PRICKLE2: variants seen among roughly 807,000 people sequenced by gnomAD.
PRICKLE2 encodes prickle-like protein 2.
Under a neutral mutation model 81.4 loss-of-function variants are expected in PRICKLE2, and 21 were observed. That is an observed-to-expected ratio of 0.26 (90% confidence interval 0.18 to 0.37). The LOEUF (loss-of-function observed/expected upper bound fraction) is 0.37, where lower values mean the gene tolerates loss of function less well. Among genes scored for constraint, PRICKLE2 ranks in the 10% least tolerant of loss-of-function variants. The pLI is 1.00. For missense variants in PRICKLE2, 940 were observed against 1,109.0 expected (o/e 0.85, Z 2.16); for synonymous variants, 456 against 421.5 (o/e 1.08, Z -1.00).
intron 1 of PRICKLE2, among the ~76,000 whole-genome samples, chr3:64,203,375 A>C (rs776188876): frequency 2.0e-5 from 3 of 152,242 alleles, no homozygotes; most frequent in Non-Finnish European, 4.4e-5. Flanking sequence ...TTTATGACTT[A>C]AGGAAAAACA....
chr3:64,137,532 T>C (rs1030520877), intron 7 of PRICKLE2, among the ~76,000 whole-genome samples: 3 of 152,262 alleles, frequency 2.0e-5, no homozygotes, highest in East Asian at 1.9e-4. Flanking sequence ...AATAAGACTT[T>C]TGAACAGTTA....
At position 64,198,990 on chromosome 3, in the gene PRICKLE2, G is replaced by C. The variant is rs78697734; in HGVS notation, c.-40-23C>G. 0.014 allele frequency: 22,766 copies of C among 1,611,172 alleles called. 478 individuals carry two copies. The highest frequency in any genetic ancestry group is 0.097 in the African/African-American group (7,267 of 75,000). ...TTCCTGCAGGCAGTAAAGGTAGAAG[G>C]TGAGAAAGAGGAAAAAACCTTTTTT... On this transcript the variant is annotated intron_variant, in intron 1 of 7. Transcript: ENST00000638394.
intron 2 of PRICKLE2, among the ~76,000 whole-genome samples, chr3:64,181,532 T>C (rs748161929): frequency 1.3e-5 from 2 of 152,186 alleles, no homozygotes; most frequent in Non-Finnish European, 2.9e-5. Flanking sequence ...GCCTATAGCA[T>C]GCTTTCCCCT....
Position 64,099,818 on chromosome 3 carries a change from T to C in PRICKLE2, c.1768A>G (p.Met590Val), listed in dbSNP as rs1559506499. ...GMNVSEKLSN[M>V]GTLNSSMQFR... is the part of the protein sequence containing the mutation. ...TGCATGGACGAGTTAAGAGTGCCCA[T>C]GTTGCTCAGCTTCTCAGACACATTC... The change falls in exon 8 of 8, where the codon ATG becomes GTG. Residue 590 changes from methionine to valine, a missense_variant. Physicochemically the swap from Met to Val is conservative, Grantham distance 21. This residue lies in a region of PRICKLE2 where 670 missense variants were observed against 717.2 expected (regional missense o/e 0.93). Transcript: ENST00000638394. The surrounding 1 kb of genome is among the most constrained non-coding windows in gnomAD (Gnocchi z 4.3). The C allele has an allele frequency of 1.9e-6, 3 of 1,614,162 alleles. No homozygotes were observed. The highest frequency in any genetic ancestry group is 1.7e-5 in the Admixed American group (1 of 60,022).
At chr3:64,227,738 A>G (rs1564115), upstream of PRICKLE2, among the ~76,000 whole-genome samples, 96,334 of 152,076 alleles carry the variant, frequency 0.63, 33,174 homozygotes, top group Non-Finnish European at 0.76. Flanking sequence ...TCCAATGAGC[A>G]TTAATGTGAA....
At chr3:64,264,423 T>C (rs1163428203) in intron 2 of PRICKLE2, among the ~76,000 whole-genome samples, 1 of 152,230 alleles carries the variant, frequency 6.6e-6, no homozygotes, top group African/African-American at 2.4e-5. Flanking sequence ...CCCTGAAGGA[T>C]ATCCCTATGC....
intron 7 of PRICKLE2, among the ~76,000 whole-genome samples, chr3:64,111,789 T>C (rs1472741755): frequency 2.0e-5 from 3 of 152,122 alleles, no homozygotes; most frequent in Non-Finnish European, 4.4e-5. Context: ...GGAGGGGGCA[T>C]GAGGGAGCTT....
intron 2 of PRICKLE2, among the ~76,000 whole-genome samples, chr3:64,235,939 T>C (rs1423487390): frequency 6.6e-6 from 1 of 151,740 alleles, no homozygotes; most frequent in East Asian, 1.9e-4. Context: ...GTGTGTGTAG[T>C]TGGGGGAGGG....
intron 7 of PRICKLE2, among the ~76,000 whole-genome samples, chr3:64,130,797 C>A (rs1406448609): frequency 6.6e-6 from 1 of 152,188 alleles, no homozygotes; most frequent in Non-Finnish European, 1.5e-5. Context: ...AAATTGGAAT[C>A]TTGGGGGTGG....
intron 2 of PRICKLE2, among the ~76,000 whole-genome samples, chr3:64,253,483 T>C (rs1269135036): frequency 6.6e-6 from 1 of 152,188 alleles, no homozygotes; most frequent in African/African-American, 2.4e-5. Context: ...AACCCTATTC[T>C]TGCATGTCAC....
At chr3:64,228,709 G>A (rs2079062349), upstream of PRICKLE2, among the ~76,000 whole-genome samples, 1 of 152,144 alleles carries the variant, frequency 6.6e-6, no homozygotes, top group African/African-American at 2.4e-5. Context: ...GGGAAGAACA[G>A]GTAATACATA....
chr3:64,115,227 T>TA (rs2076915843), intron 7 of PRICKLE2, among the ~76,000 whole-genome samples: 1 of 152,166 alleles, frequency 6.6e-6, no homozygotes, highest in African/African-American at 2.4e-5. Flanking sequence ...GAAAGACCAT[T>TA]ACCAGCCTCT....
intron 2 of PRICKLE2, among the ~76,000 whole-genome samples, chr3:64,261,582 T>C (rs905701032): frequency 6.6e-6 from 1 of 151,964 alleles, no homozygotes; most frequent in Admixed American, 6.6e-5. Flanking sequence ...AGGCAGGAAG[T>C]TCTCTTGACA....
At chr3:64,114,235 A>G (rs946259935) in intron 7 of PRICKLE2, among the ~76,000 whole-genome samples, 11 of 152,306 alleles carry the variant, frequency 7.2e-5, no homozygotes, top group African/African-American at 2.4e-4. Flanking sequence ...AGCAACCTCA[A>G]AGATTGAAGG....
chr3:64,139,044 G>A lies in PRICKLE2; in HGVS notation c.1660+7786C>T, dbSNP rs750651349. 3.9e-4 allele frequency among the ~76,000 whole-genome samples: 60 copies of A among 152,246 alleles called. 1 individual carries two copies. Among genetic ancestry groups the A allele is most frequent in the South Asian group, 2.1e-4 (1 of 4,834 alleles). On this transcript the variant is annotated intron_variant, in intron 7 of 7. Coordinates refer to ENST00000638394, the MANE Select transcript of PRICKLE2 (RefSeq NM_198859.4). ...CTCAGACATTCTTGGTAAAGTGAGTGGTTCCAGTTGTTGCTTTATATCCTC... is the reference window on the plus strand; with the variant it reads ...CTCAGACATTCTTGGTAAAGTGAGTAGTTCCAGTTGTTGCTTTATATCCTC...
intron 1 of PRICKLE2, among the ~76,000 whole-genome samples, chr3:64,210,705 T>A (rs1367578750): frequency 6.6e-6 from 1 of 152,254 alleles, no homozygotes; most frequent in East Asian, 1.9e-4. Flanking sequence ...ATTTATCTTG[T>A]AACTTTTGAG....
At chr3:64,138,848 T>A (rs1012973155) in intron 7 of PRICKLE2, among the ~76,000 whole-genome samples, 1 of 152,142 alleles carries the variant, frequency 6.6e-6, no homozygotes, top group African/African-American at 2.4e-5. Flanking sequence ...TAAGCACATC[T>A]GAGGTGTGGC....
intron 2 of PRICKLE2, among the ~76,000 whole-genome samples, chr3:64,187,252 C>T (rs2078251366): frequency 6.6e-6 from 1 of 152,210 alleles, no homozygotes; most frequent in Non-Finnish European, 1.5e-5. Context: ...TTAGTGAAAG[C>T]TGCACACACA....
Position 64,099,630 on chromosome 3 carries a change from G to A in PRICKLE2, c.1956C>T (p.Ser652=). 1 of 1,614,048 alleles carries A rather than the reference G, an allele frequency of 6.2e-7. No individual in the cohort carries two copies. Among genetic ancestry groups the A allele is most frequent in the Non-Finnish European group, 8.5e-7 (1 of 1,180,034 alleles). The change falls in exon 8 of 8, where the codon AGC becomes AGT. Residue 652 remains serine, a synonymous_variant. Coordinates refer to ENST00000638394, the MANE Select transcript of PRICKLE2 (RefSeq NM_198859.4). The surrounding 1 kb of genome is among the most constrained non-coding windows in gnomAD (Gnocchi z 4.3). ...TCACGCCCTCCTGCCCTGGCAGCTT[G>A]CTGCCCGCCATCCCTCCATCAAAAT... is the stretch of plus-strand genomic sequence containing the variant. ...SFDFDGGMAG[S]KLPGQEGVRI...
Sources: allele counts gnomAD v4.1 joint callset (sites outside exome capture counted in the v4.1 genomes callset), GRCh38; gene constraint gnomAD v4.1.1; regional missense constraint gnomAD v4.1.1; non-coding constraint Gnocchi (gnomAD v3.1); transcripts MANE v1.5; gene names NCBI Gene and HGNC (gene_info 2026-07-23, HGNC 2026-07-21).